Variants in IRAK3 observed in about 807,000 individuals in gnomAD.
IRAK3 encodes interleukin 1 receptor associated kinase 3, also known as interleukin-1 receptor-associated kinase 3.
Under a neutral mutation model 56.6 loss-of-function variants are expected in IRAK3, and 57 were observed. The observed-to-expected ratio is 1.01, with a 90% CI of 0.81 to 1.26. The LOEUF is 1.26. Ranked by LOEUF, IRAK3 falls within the 50% of genes most tolerant of loss-of-function variation. The pLI is 0.00. For synonymous variants in IRAK3, 258 were observed against 255.7 expected (o/e 1.01, Z -0.09); for missense variants, 703 against 719.0 (o/e 0.98, Z 0.25).
chr12:66,197,827 G>A (rs999114555), intron 1 of IRAK3: 1 of 985,204 alleles, frequency 1.0e-6, no homozygotes, highest in Admixed American at 6.2e-5. Flanking sequence ...GAAAGCATCT[G>A]ATATTAGCAG....
Position 66,228,476 on chromosome 12 carries a change from G to C in IRAK3, c.887+106G>C, listed in dbSNP as rs1189187166. On this transcript the variant is annotated intron_variant, in intron 8 of 11. Transcript: ENST00000261233. Reference sequence around the variant, plus strand: ...GCTGTAGTTCTCCTGGTATGTATGTGTGTGTGTTAAGAATTCTCATCTAGG... The same window carrying C: ...GCTGTAGTTCTCCTGGTATGTATGTCTGTGTGTTAAGAATTCTCATCTAGG... The C allele has an allele frequency of 9.8e-6, 8 of 817,822 alleles. No homozygotes were observed. The Admixed American group carries it at 1.4e-4, about 14-fold the overall frequency. 50.7% of individuals were successfully genotyped at this position (817,822 alleles called of 1,614,324 possible).
At chr12:66,203,208 G>C (rs985714557) in intron 1 of IRAK3, among the ~76,000 whole-genome samples, 2 of 152,076 alleles carry the variant, frequency 1.3e-5, no homozygotes, top group African/African-American at 4.8e-5. Context: ...TAAAGAGAAA[G>C]ATAATTTTAT....
chr12:66,221,703 G>A (rs1247587318), intron 6 of IRAK3, among the ~76,000 whole-genome samples: 1 of 152,148 alleles, frequency 6.6e-6, no homozygotes, highest in East Asian at 1.9e-4. Context: ...TCAGGGATAA[G>A]TCCTGTTTGA....
rs1424729505 is a variant in IRAK3, at chr12:66,253,973, C to A, written c.*5802C>A. On this transcript the variant is annotated 3_prime_UTR_variant, in exon 12 of 12. Transcript: ENST00000261233. ...AAATTAAAAGTGTCCTCTATTTGAA[C>A]ATGAAAACAGCTAATAAAGATGTGT... 1 of 152,102 alleles carries A rather than the reference C, an allele frequency of 6.6e-6. No homozygotes were observed. Among genetic ancestry groups the A allele is most frequent in the Non-Finnish European group, 1.5e-5 (1 of 67,994 alleles). 9.4% of individuals were successfully genotyped at this position (152,102 alleles called of 1,614,324 possible). A position where few individuals can be genotyped will look rare whatever the true frequency, so the allele number is the denominator to read the frequency against.
intron 8 of IRAK3, among the ~76,000 whole-genome samples, chr12:66,235,762 TA>T (rs1490811020): frequency 6.6e-6 from 1 of 152,234 alleles, no homozygotes; most frequent in Non-Finnish European, 1.5e-5. Flanking sequence ...ATTCATGCAT[TA>T]AAAAAATATT....
At position 66,245,116 on chromosome 12, in the gene IRAK3, T is replaced by A. The variant is rs775123485; in HGVS notation, c.1168T>A (p.Leu390Met). The change falls in exon 11 of 12, where the codon TTG becomes ATG. Residue 390 changes from leucine to methionine, a missense_variant. Coordinates refer to ENST00000261233, the MANE Select transcript of IRAK3 (RefSeq NM_007199.3). ...TTCCAAGCGGGATCTCCTTAGAGAA[T>A]TGATGGAGAAGAGAGGCCTGGATTC... ...HIQLRDLLRE[L>M]MEKRGLDSCL... 1.1e-5 allele frequency: 17 copies of A among 1,614,052 alleles called. No individual in the cohort carries two copies. Among genetic ancestry groups the A allele is most frequent in the Admixed American group, 1.7e-5 (1 of 60,000 alleles).
At chr12:66,195,408 C>A (rs2136912646) in intron 1 of IRAK3, among the ~76,000 whole-genome samples, 1 of 152,316 alleles carries the variant, frequency 6.6e-6, no homozygotes, top group East Asian at 1.9e-4. Flanking sequence ...CCTGTGATGC[C>A]TGTAAAGCAT....
Position 66,249,358 on chromosome 12 carries a change from G to T in IRAK3, c.*1187G>T, listed in dbSNP as rs142687190. On this transcript the variant is annotated 3_prime_UTR_variant, in exon 12 of 12. Transcript: ENST00000261233. ...TTTTTTGTATTTTTAGTAGAGACGG[G>T]GTTTCACCATGTTAGGCAGGATGGT... The T allele has an allele frequency of 2.6e-5, 4 of 152,112 alleles. No homozygotes were observed. The highest frequency in any genetic ancestry group is 9.7e-5 in the African/African-American group (4 of 41,396). 9.4% of individuals were successfully genotyped at this position (152,112 alleles called of 1,614,324 possible). A position where few individuals can be genotyped will look rare whatever the true frequency, so the allele number is the denominator to read the frequency against.
rs1041202201 is a variant in IRAK3 at position 66,234,537 on chromosome 12, T to C, written c.887+6167T>C. The C allele has an allele frequency of 4.3e-6, 7 of 1,611,958 alleles. No individual in the cohort carries two copies. The South Asian group carries it at 5.5e-5, about 13-fold the overall frequency. ...GGGTCGTAAGTAAGTGTCATTCCAGTAAGTCTCACCTCTCCTTCTCTATGC... is the reference window on the plus strand; with the variant it reads ...GGGTCGTAAGTAAGTGTCATTCCAGCAAGTCTCACCTCTCCTTCTCTATGC... On this transcript the variant is annotated intron_variant, in intron 8 of 11. Coordinates refer to ENST00000261233, the MANE Select transcript of IRAK3 (RefSeq NM_007199.3).
At position 66,245,264 on chromosome 12, in the gene IRAK3, T is replaced by A. The variant is rs527788920; in HGVS notation, c.1314+2T>A. 14 of 1,613,836 alleles carry A rather than the reference T, an allele frequency of 8.7e-6. No individual in the cohort carries two copies. The highest frequency in any genetic ancestry group is 1.2e-5 in the Non-Finnish European group (14 of 1,179,912). The stretch of plus-strand genomic sequence containing the variant: ...AAGTTAAGACCATCAATGGATGAAG[T>A]GAGTATATACATGGTTTTATTCAAA... On this transcript the variant is annotated splice_donor_variant, in intron 11 of 11. Transcript: ENST00000261233. LOFTEE classifies it high-confidence loss of function.
chr12:66,206,433 AG>A (rs1439983015), intron 2 of IRAK3, among the ~76,000 whole-genome samples: 2 of 152,166 alleles, frequency 1.3e-5, no homozygotes, highest in Non-Finnish European at 2.9e-5. Flanking sequence ...TTATCATGAT[AG>A]GGTGTTGGAT....
At chr12:66,205,927 A>G (rs1264503642) in intron 2 of IRAK3, among the ~76,000 whole-genome samples, 1 of 152,172 alleles carries the variant, frequency 6.6e-6, no homozygotes, top group Non-Finnish European at 1.5e-5. Flanking sequence ...TCAGGACATA[A>G]CAAAATTGCT....
intron 6 of IRAK3, among the ~76,000 whole-genome samples, chr12:66,218,109 A>G (rs187395116): frequency 9.5e-4 from 144 of 152,330 alleles, no homozygotes; most frequent in Non-Finnish European, 1.7e-3. Context: ...CACCATTATC[A>G]TCCAACCACC....
chr12:66,222,949 G>C (rs1026281374), intron 6 of IRAK3, among the ~76,000 whole-genome samples: 1 of 152,038 alleles, frequency 6.6e-6, no homozygotes, highest in Non-Finnish European at 1.5e-5. Flanking sequence ...GTCAGCGAAG[G>C]GAGATAGGGG....
intron 1 of IRAK3, among the ~76,000 whole-genome samples, chr12:66,195,587 G>T (rs2052443419): frequency 6.6e-6 from 1 of 152,094 alleles, no homozygotes; most frequent in South Asian, 2.1e-4. Flanking sequence ...CTTCCTGCCA[G>T]TAACCTGTAG....
At position 66,248,745 on chromosome 12, in the gene IRAK3, C is replaced by T. The variant is rs1244743856; in HGVS notation, c.*574C>T. On this transcript the variant is annotated 3_prime_UTR_variant, in exon 12 of 12. Transcript: ENST00000261233. The stretch of plus-strand genomic sequence containing the variant: ...GGTTCACCCTTAGCTACGGCATGCT[C>T]TGGGTTGAAAGGGGATTTCTTCCCA... 28 of 152,944 alleles carry T rather than the reference C, an allele frequency of 1.8e-4. No individual in the cohort carries two copies. Among genetic ancestry groups the T allele is most frequent in the Admixed American group, 1.8e-3 (28 of 15,382 alleles). 9.5% of individuals were successfully genotyped at this position (152,944 alleles called of 1,614,324 possible).
intron 5 of IRAK3, among the ~76,000 whole-genome samples, chr12:66,214,259 C>T (rs2052642789): frequency 6.6e-6 from 1 of 151,932 alleles, no homozygotes; most frequent in South Asian, 2.1e-4. Context: ...CATGGTGGCT[C>T]ATGCCTGTAA....
intron 6 of IRAK3, among the ~76,000 whole-genome samples, chr12:66,223,265 G>A (rs1185921655): frequency 6.6e-6 from 1 of 152,182 alleles, no homozygotes; most frequent in Non-Finnish European, 1.5e-5. Flanking sequence ...CACAGGGGAT[G>A]CAATAGCTTA....
chr12:66,197,612 G>A (rs1259625185), intron 1 of IRAK3: 42 of 985,242 alleles, frequency 4.3e-5, no homozygotes, highest in Non-Finnish European at 4.7e-5. Flanking sequence ...ATGCATGCAG[G>A]CAGTATTCAT....
Sources: allele counts gnomAD v4.1 joint callset (sites outside exome capture counted in the v4.1 genomes callset), GRCh38; gene constraint gnomAD v4.1.1; transcripts MANE v1.5; gene names NCBI Gene and HGNC (gene_info 2026-07-23, HGNC 2026-07-21).